AGXT2: variants seen among roughly 807,000 people sequenced by gnomAD.
AGXT2 encodes the protein alanine--glyoxylate aminotransferase 2, also known as alanine--glyoxylate aminotransferase 2, mitochondrial.
AGXT2 carries 61 observed loss-of-function variants against 62.5 expected under a neutral mutation model. That is an observed-to-expected ratio of 0.98 (90% CI 0.79 to 1.21). AGXT2 has a LOEUF of 1.21. Ranked by LOEUF, AGXT2 falls within the 50% of genes most tolerant of loss-of-function variation. The pLI is 0.00. For synonymous variants in AGXT2, 243 were observed against 218.7 expected (o/e 1.11, Z -0.98); for missense variants, 666 against 641.5 (o/e 1.04, Z -0.41).
chr5:35,033,248 A>G (rs1767637642), intron 6 of AGXT2: 2 of 563,974 alleles, frequency 3.5e-6, no homozygotes, highest in Non-Finnish European at 6.3e-6. Flanking sequence ...AGCAAAATAC[A>G]TTTTAAAACT....
chr5:35,038,256 C>T (rs193041466), intron 3 of AGXT2, among the ~76,000 whole-genome samples: 2 of 152,274 alleles, frequency 1.3e-5, no homozygotes, highest in African/African-American at 2.4e-5. Context: ...AAAGAAGAGA[C>T]ATTTGACAAA....
At chr5:35,009,898 G>A (rs2112186582) in intron 12 of AGXT2, 102 bp downstream of exon 12, 1 of 1,508,880 alleles carries the variant, frequency 6.6e-7, no homozygotes, top group Non-Finnish European at 9.2e-7. Context: ...TGCTGTTTGT[G>A]TCTGCTCTCT....
At chr5:35,015,650 G>A (rs1031259624) in intron 9 of AGXT2, among the ~76,000 whole-genome samples, 1 of 151,952 alleles carries the variant, frequency 6.6e-6, no homozygotes, top group African/African-American at 2.4e-5. Flanking sequence ...CGGAGTTTGA[G>A]ACCAGCCTGG....
intron 12 of AGXT2, among the ~76,000 whole-genome samples, chr5:35,008,860 C>G (rs941822569): frequency 6.6e-6 from 1 of 152,188 alleles, no homozygotes; most frequent in Non-Finnish European, 1.5e-5. Flanking sequence ...GTTAGTCTGG[C>G]TATTCCTCCC....
intron 9 of AGXT2, among the ~76,000 whole-genome samples, chr5:35,024,549 T>C (rs1463335440): frequency 6.6e-6 from 1 of 152,252 alleles, no homozygotes; most frequent in African/African-American, 2.4e-5. Context: ...AGTAGTGTGC[T>C]TTAATGCTTT....
At chr5:35,042,281 A>G (rs1311595866) in intron 1 of AGXT2, among the ~76,000 whole-genome samples, 2 of 152,214 alleles carry the variant, frequency 1.3e-5, no homozygotes, top group Non-Finnish European at 2.9e-5. Flanking sequence ...AGTCATAAGC[A>G]CATGATGGTG....
chr5:35,022,895 T>A (rs1767166667), intron 9 of AGXT2, among the ~76,000 whole-genome samples: 1 of 151,780 alleles, frequency 6.6e-6, no homozygotes, highest in South Asian at 2.1e-4. Flanking sequence ...CTATGAAGAA[T>A]ACTGTAAACT....
intron 5 of AGXT2, 79 bp downstream of exon 5, chr5:35,035,143 A>G: frequency 4.8e-6 from 6 of 1,249,286 alleles, no homozygotes; most frequent in Non-Finnish European, 5.9e-6. Flanking sequence ...CTCCCACTCC[A>G]TGCTACAATG....
intron 9 of AGXT2, among the ~76,000 whole-genome samples, chr5:35,017,521 T>C (rs79857492): frequency 6.6e-5 from 10 of 152,222 alleles, no homozygotes; most frequent in African/African-American, 2.2e-4. Flanking sequence ...AAACCCTTTT[T>C]GCTTGACTCT....
At chr5:35,036,422 A>C (rs1767771432) in intron 4 of AGXT2, among the ~76,000 whole-genome samples, 1 of 152,264 alleles carries the variant, frequency 6.6e-6, no homozygotes, top group Non-Finnish European at 1.5e-5. Context: ...TCAATTTAAA[A>C]GATCAGTCAT....
intron 9 of AGXT2, among the ~76,000 whole-genome samples, chr5:35,024,827 GGGTGT>G (rs1767261142): frequency 6.6e-6 from 1 of 152,040 alleles, no homozygotes; most frequent in African/African-American, 2.4e-5. Flanking sequence ...AAAACTAGCC[GGGTGT>G]GGTGGCGGAT....
intron 9 of AGXT2, among the ~76,000 whole-genome samples, chr5:35,020,048 C>G (rs1368821123): frequency 1.3e-5 from 2 of 152,114 alleles, no homozygotes; most frequent in Non-Finnish European, 2.9e-5. Flanking sequence ...CTGAATAGAC[C>G]AATAACAGGA....
At chr5:35,010,671 C>A (rs928163739) in intron 11 of AGXT2, among the ~76,000 whole-genome samples, 10 of 151,738 alleles carry the variant, frequency 6.6e-5, no homozygotes, top group Non-Finnish European at 1.3e-4. Context: ...GGTGACAGAG[C>A]GACACTTTGC....
rs377395519 is a variant in AGXT2, at chr5:34,998,827, C to T, written c.1438-1G>A. 2 of 1,603,046 alleles carry T rather than the reference C, an allele frequency of 1.2e-6. No homozygotes were observed. The highest frequency in any genetic ancestry group is 1.7e-6 in the Non-Finnish European group (2 of 1,170,592). Reference sequence around the variant, plus strand: ...ACATTGAGGGCGCAATGCGAAATGTCTGAGGAGACACCAAAAAATAAGAAA... The same window carrying T: ...ACATTGAGGGCGCAATGCGAAATGTTTGAGGAGACACCAAAAAATAAGAAA... On this transcript the variant is annotated splice_acceptor_variant, in intron 13 of 13. Coordinates refer to ENST00000231420, the MANE Select transcript of AGXT2 (RefSeq NM_031900.4). LOFTEE classifies it high-confidence loss of function.
chr5:35,021,536 C>T (rs1767085174), intron 9 of AGXT2, among the ~76,000 whole-genome samples: 1 of 150,094 alleles, frequency 6.7e-6, no homozygotes, highest in African/African-American at 2.5e-5. Flanking sequence ...AAAGCTGAAA[C>T]TGGATCCCTT....
intron 10 of AGXT2, 149 bp downstream of exon 10, chr5:35,013,838 A>G (rs1580579227): frequency 8.0e-7 from 1 of 1,242,718 alleles, no homozygotes; most frequent in East Asian, 2.4e-5. Context: ...AGTCAGGCAG[A>G]CAGACTGTTT....
chr5:35,041,495 C>T (rs80279947), intron 1 of AGXT2, among the ~76,000 whole-genome samples: 2 of 152,124 alleles, frequency 1.3e-5, no homozygotes, highest in East Asian at 3.9e-4. Flanking sequence ...CCATTTCCAC[C>T]CTTCCCTGCC....
chr5:35,036,424 A>G (rs1185972900), intron 4 of AGXT2, among the ~76,000 whole-genome samples: 3 of 152,284 alleles, frequency 2.0e-5, no homozygotes, highest in Non-Finnish European at 2.9e-5. Context: ...AATTTAAAAG[A>G]TCAGTCATTT....
intron 11 of AGXT2, 125 bp from the exon 12 acceptor site, chr5:35,010,274 G>C: frequency 8.2e-7 from 1 of 1,214,900 alleles, no homozygotes; most frequent in Admixed American, 1.7e-5. Flanking sequence ...AACAAGTCTA[G>C]TGTGACCACA....
Sources: gnomAD v4.1 joint callset for allele counts (sites outside exome capture counted in the v4.1 genomes callset) on GRCh38, gnomAD v4.1.1 for gene constraint, MANE v1.5 for transcripts, NCBI Gene and HGNC (gene_info 2026-07-23, HGNC 2026-07-21) for gene names.